The following DOCK3 variants were observed in gnomAD, a reference collection of about 807,000 sequenced individuals.
DOCK3 encodes the protein dedicator of cytokinesis 3.
Under a neutral mutation model 265.6 loss-of-function variants are expected in DOCK3, and 60 were observed. The ratio of observed to expected loss-of-function variants is 0.23; its 90% CI spans 0.18 to 0.28. The LOEUF is 0.28. Ranked by LOEUF, DOCK3 falls within the 10% of genes least tolerant of loss-of-function variation. The pLI, the probability that DOCK3 is intolerant of heterozygous loss-of-function variation, is 1.00. For synonymous variants in DOCK3, 881 were observed against 938.0 expected, an observed-to-expected ratio of 0.94 and a Z score of 1.11; for missense variants, 1,981 against 2,594.3, an observed-to-expected ratio of 0.76 and a Z score of 5.14.
At chr3:51,155,020 A>G (rs2085780162) in intron 10 of DOCK3, among the ~76,000 whole-genome samples, 1 of 152,110 alleles carries the variant, frequency 6.6e-6, no homozygotes, top group Non-Finnish European at 1.5e-5. Context: ...TCTGTGGCCC[A>G]GGCTTCAGTG....
intron 2 of DOCK3, among the ~76,000 whole-genome samples, chr3:50,824,354 G>A (rs768480789): frequency 8.5e-5 from 13 of 152,186 alleles, no homozygotes; most frequent in Non-Finnish European, 1.8e-4. Flanking sequence ...GGAAAAAGAA[G>A]CCTCAGGGTT....
intron 5 of DOCK3, among the ~76,000 whole-genome samples, chr3:51,057,295 G>A (rs1404455442): frequency 2.0e-5 from 3 of 152,170 alleles, no homozygotes; most frequent in Non-Finnish European, 2.9e-5. Context: ...TATGGTTTCT[G>A]CTGACTCTTC....
intron 27 of DOCK3, among the ~76,000 whole-genome samples, chr3:51,300,905 A>G (rs2082329970): frequency 6.6e-6 from 1 of 152,214 alleles, no homozygotes; most frequent in Non-Finnish European, 1.5e-5. Flanking sequence ...TATCAGGATG[A>G]TGCTGGCCTC....
chr3:50,862,036 AC>A (rs1347028524), intron 3 of DOCK3, among the ~76,000 whole-genome samples: 1 of 152,234 alleles, frequency 6.6e-6, no homozygotes, highest in East Asian at 1.9e-4. Context: ...CTTTATACTT[AC>A]ATGCACTTTT....
rs9854772 is a variant in DOCK3 at position 50,747,189 on chromosome 3, T to A, written c.38-31486T>A. Among the ~76,000 whole-genome samples the A allele has an allele frequency of 3.5e-3, 527 of 152,368 alleles. 4 individuals are homozygous for A. Among genetic ancestry groups the A allele is most frequent in the African/African-American group, 0.012 (508 of 41,588 alleles). ...AGTCTGTATTTACCACATATTAGTC[T>A]TCAGTACCACACTATTTTGATTATC... On this transcript the variant is annotated intron_variant, in intron 1 of 52. Coordinates refer to ENST00000266037, the MANE Select transcript of DOCK3 (RefSeq NM_004947.5).
At chr3:51,318,874 A>G (rs1315372748) in intron 32 of DOCK3, among the ~76,000 whole-genome samples, 1 of 152,106 alleles carries the variant, frequency 6.6e-6, no homozygotes, top group Non-Finnish European at 1.5e-5. Flanking sequence ...TAGGATATAG[A>G]AATTCAACTG....
At chr3:50,805,306 G>A (rs2043343904) in intron 2 of DOCK3, among the ~76,000 whole-genome samples, 1 of 152,118 alleles carries the variant, frequency 6.6e-6, no homozygotes, top group Non-Finnish European at 1.5e-5. Context: ...AGAGTTTGTG[G>A]TGATGATGGT....
intron 5 of DOCK3, among the ~76,000 whole-genome samples, chr3:50,970,919 A>G (rs1358368412): frequency 1.4e-5 from 1 of 71,652 alleles, no homozygotes; most frequent in East Asian, 5.0e-4. Flanking sequence ...ATATATATAT[A>G]TATATATATA....
intron 1 of DOCK3, among the ~76,000 whole-genome samples, chr3:50,702,484 C>A (rs2036107954): frequency 6.6e-6 from 1 of 152,082 alleles, no homozygotes; most frequent in Admixed American, 6.6e-5. Flanking sequence ...CTGCCTCAGC[C>A]TCCCGAGTAG....
At chr3:51,228,361 T>C (rs888660896) in intron 17 of DOCK3, among the ~76,000 whole-genome samples, 1 of 152,246 alleles carries the variant, frequency 6.6e-6, no homozygotes, top group Non-Finnish European at 1.5e-5. Flanking sequence ...TGTGGTCTTG[T>C]TTAGTACATT....
intron 38 of DOCK3, among the ~76,000 whole-genome samples, chr3:51,344,074 G>T (rs2085404505): frequency 6.6e-6 from 1 of 152,210 alleles, no homozygotes; most frequent in Admixed American, 6.5e-5. Context: ...GGAGAAGCTG[G>T]ACAGAGGCTA....
chr3:50,998,226 C>A (rs1025518974), intron 5 of DOCK3, among the ~76,000 whole-genome samples: 1 of 152,194 alleles, frequency 6.6e-6, no homozygotes, highest in African/African-American at 2.4e-5. Flanking sequence ...TCCTAGCCCT[C>A]ATCCCTCAGC....
chr3:50,996,468 C>T (rs781529929), intron 5 of DOCK3, among the ~76,000 whole-genome samples: 7 of 152,128 alleles, frequency 4.6e-5, no homozygotes, highest in African/African-American at 1.2e-4. Context: ...CCGCCTACCT[C>T]GGCCTCCCAA....
chr3:50,933,444 C>G (rs1252498776), intron 4 of DOCK3, among the ~76,000 whole-genome samples: 1 of 152,126 alleles, frequency 6.6e-6, no homozygotes, highest in African/African-American at 2.4e-5. Flanking sequence ...AATTCCTCTA[C>G]CAGACTTAGA....
intron 9 of DOCK3, among the ~76,000 whole-genome samples, chr3:51,141,113 T>A (rs1005276184): frequency 6.6e-6 from 1 of 152,054 alleles, no homozygotes; most frequent in South Asian, 2.1e-4. Flanking sequence ...TTGTTGTTGC[T>A]TGTGCTGTTG....
At chr3:50,782,813 C>T (rs564545320) in intron 2 of DOCK3, among the ~76,000 whole-genome samples, 34 of 151,850 alleles carry the variant, frequency 2.2e-4, no homozygotes, top group Admixed American at 5.9e-4. Context: ...ACCGAGTCCC[C>T]AAAGTCCGTT....
At chr3:50,772,848 A>C (rs1025607586) in intron 1 of DOCK3, among the ~76,000 whole-genome samples, 1 of 152,218 alleles carries the variant, frequency 6.6e-6, no homozygotes, top group African/African-American at 2.4e-5. Context: ...TATCATTAAA[A>C]TGCCCATACT....
At chr3:50,715,410 G>A (rs1392618588) in intron 1 of DOCK3, among the ~76,000 whole-genome samples, 2 of 151,984 alleles carry the variant, frequency 1.3e-5, no homozygotes, top group African/African-American at 4.8e-5. Flanking sequence ...AATTAGCTAG[G>A]TGTGGTGGTG....
intron 1 of DOCK3, among the ~76,000 whole-genome samples, chr3:50,764,306 A>G (rs1421332751): frequency 6.6e-6 from 1 of 152,214 alleles, no homozygotes; most frequent in African/African-American, 2.4e-5. Context: ...GCATCTGTGG[A>G]TTCAACCAAC....
Sources: gnomAD v4.1 joint callset for allele counts (sites outside exome capture counted in the v4.1 genomes callset) on GRCh38, gnomAD v4.1.1 for gene constraint, MANE v1.5 for transcripts, NCBI Gene and HGNC (gene_info 2026-07-23, HGNC 2026-07-21) for gene names.